POU6F2: variants seen among roughly 807,000 people sequenced by gnomAD.
POU6F2 encodes POU class 6 homeobox 2, also known as POU domain, class 6, transcription factor 2.
POU6F2 carries 31 observed loss-of-function variants against 71.3 expected under a neutral mutation model. That is an observed-to-expected ratio of 0.43 (90% CI 0.33 to 0.59). The LOEUF (loss-of-function observed/expected upper bound fraction) is 0.59. Among genes scored for constraint, POU6F2 ranks in the 20% least tolerant of loss-of-function variants. The pLI is 0.04. For missense variants in POU6F2, 783 were observed against 856.8 expected (o/e 0.91, Z 1.07); for synonymous variants, 347 against 355.7 (o/e 0.98, Z 0.27).
Position 39,207,626 on chromosome 7 carries a change from C to A in POU6F2, c.598+6C>A. On this transcript the variant is annotated splice_donor_region_variant and intron_variant, in intron 4 of 9. Coordinates refer to ENST00000518318, the MANE Select transcript of POU6F2 (RefSeq NM_001370959.1). The stretch of plus-strand genomic sequence containing the variant: ...GCCACTGCAAAATCTACAAGGTAAT[C>A]CATAATGTCCATGCGCCACGTAAGG... 1.9e-6 allele frequency: 3 copies of A among 1,611,104 alleles called. No homozygotes were observed. The highest frequency in any genetic ancestry group is 2.5e-6 in the Non-Finnish European group (3 of 1,177,984).
chr7:39,180,457 A>G (rs554509692), intron 2 of POU6F2, among the ~76,000 whole-genome samples: 122 of 152,304 alleles, frequency 8.0e-4, no homozygotes, highest in African/African-American at 2.8e-3. Context: ...TTGGGCACAC[A>G]GCACAGAAGA....
chr7:39,033,623 T>A (rs568068805), intron 1 of POU6F2, among the ~76,000 whole-genome samples: 1 of 152,288 alleles, frequency 6.6e-6, no homozygotes, highest in African/African-American at 2.4e-5. Flanking sequence ...TACTGATCCA[T>A]TTTAGAAAAT....
intron 6 of POU6F2, 34 bp from the exon 7 acceptor site, chr7:39,433,043 G>A (rs562280282): frequency 4.2e-5 from 67 of 1,610,428 alleles, no homozygotes; most frequent in Middle Eastern, 1.7e-4. Context: ...ACCCTTCACC[G>A]AGCCAGCTCC....
intron 4 of POU6F2, among the ~76,000 whole-genome samples, chr7:39,302,849 C>T (rs955163959): frequency 4.6e-5 from 7 of 152,200 alleles, no homozygotes; most frequent in Admixed American, 1.3e-4. Context: ...AGTGACTGAA[C>T]GTCAGAGACC....
At position 39,451,515 on chromosome 7, in the gene POU6F2, T is replaced by C. The variant is rs1788659635; in HGVS notation, c.1321-18T>C. 1 of 1,591,098 alleles carries C rather than the reference T, an allele frequency of 6.3e-7. No individual in the cohort carries two copies. The highest frequency in any genetic ancestry group is 1.3e-5 in the African/African-American group (1 of 74,382). On this transcript the variant is annotated intron_variant, in intron 7 of 9. Transcript: ENST00000518318. Reference sequence around the variant, plus strand: ...TTTTTCATTCATTTGTGTATTTTTTTTACATCCCCTCATGTAGCTCCACCA... The same window carrying C: ...TTTTTCATTCATTTGTGTATTTTTTCTACATCCCCTCATGTAGCTCCACCA...
At chr7:39,301,887 A>T (rs1784954309) in intron 4 of POU6F2, among the ~76,000 whole-genome samples, 1 of 152,026 alleles carries the variant, frequency 6.6e-6, no homozygotes, top group Non-Finnish European at 1.5e-5. Context: ...GCCTAAATCC[A>T]CATAATGGTA....
chr7:39,406,880 T>C, intron 6 of POU6F2, 140 bp downstream of exon 6: 1 of 1,221,466 alleles, frequency 8.2e-7, no homozygotes, highest in South Asian at 1.3e-5. Context: ...ATGTCAAGAA[T>C]AGGAGAAGGG....
chr7:39,041,078 A>G (rs1200272128), intron 1 of POU6F2, among the ~76,000 whole-genome samples: 1 of 151,980 alleles, frequency 6.6e-6, no homozygotes, highest in Admixed American at 6.6e-5. Flanking sequence ...CTTCAATGAG[A>G]GATGGATCCC....
intron 5 of POU6F2, among the ~76,000 whole-genome samples, chr7:39,378,257 AT>A (rs1786748458): frequency 6.6e-6 from 1 of 152,086 alleles, no homozygotes; most frequent in African/African-American, 2.4e-5. Flanking sequence ...TCTTTCTCGA[AT>A]TTATTCCCTT....
chr7:39,291,293 C>G (rs1184820150), intron 4 of POU6F2, among the ~76,000 whole-genome samples: 1 of 152,120 alleles, frequency 6.6e-6, no homozygotes, highest in African/African-American at 2.4e-5. Context: ...TACATTTGAC[C>G]TGCTGAGGAT....
Position 39,348,857 on chromosome 7 carries a change from A to G in POU6F2, c.972+8842A>G, listed in dbSNP as rs570630137. On this transcript the variant is annotated intron_variant, in intron 5 of 9. Transcript: ENST00000518318. ...TGTTCCTGTATATTTTGCAAAGATTATTTGAATACTGAAGGCTAAAAGACA... is the reference window on the plus strand; with the variant it reads ...TGTTCCTGTATATTTTGCAAAGATTGTTTGAATACTGAAGGCTAAAAGACA... 7.9e-5 allele frequency among the ~76,000 whole-genome samples: 12 copies of G among 152,336 alleles called. No individual in the cohort carries two copies. In the East Asian group the frequency reaches 2.3e-3, roughly 29 times the overall value.
At chr7:39,191,793 G>A (rs930522307) in intron 2 of POU6F2, among the ~76,000 whole-genome samples, 2 of 152,142 alleles carry the variant, frequency 1.3e-5, no homozygotes, top group African/African-American at 4.8e-5. Flanking sequence ...CAAGTTAATA[G>A]CATCTTTTAG....
In POU6F2 at chr7:39,433,224, A is replaced by G. The variant is rs376392988; in HGVS notation, c.1261A>G (p.Ile421Val). Residue 421 changes from isoleucine to valine, a missense_variant, in exon 7 of 10, where the codon ATC becomes GTC. Ile to Val is a conservative substitution (Grantham distance 29, BLOSUM62 3). Transcript: ENST00000518318. Reference sequence around the variant, plus strand: ...CATCGCCACAGTCATTGGGAACCAGATCCTGCCCGTGATCAACACCCAGGG... The same window carrying G: ...CATCGCCACAGTCATTGGGAACCAGGTCCTGCCCGTGATCAACACCCAGGG... ...QIIATVIGNQ[I>V]LPVINTQGIT... 15 of 1,613,268 alleles carry G rather than the reference A, an allele frequency of 9.3e-6. No individual in the cohort carries two copies. Among genetic ancestry groups the G allele is most frequent in the South Asian group, 5.5e-5 (5 of 91,054 alleles).
At chr7:39,072,810 G>A (rs1262933766) in intron 1 of POU6F2, among the ~76,000 whole-genome samples, 1 of 152,186 alleles carries the variant, frequency 6.6e-6, no homozygotes, top group African/African-American at 2.4e-5. Flanking sequence ...CCTGCGTGGA[G>A]CGACATGTTT....
At chr7:39,130,381 G>T (rs540099971) in intron 2 of POU6F2, among the ~76,000 whole-genome samples, 238 of 152,288 alleles carry the variant, frequency 1.6e-3, no homozygotes, top group Non-Finnish European at 2.8e-3. Flanking sequence ...CAGGATGCCT[G>T]ATTTAGACGC....
intron 6 of POU6F2, among the ~76,000 whole-genome samples, chr7:39,423,200 T>C (rs1049635157): frequency 2.0e-5 from 3 of 152,180 alleles, no homozygotes; most frequent in Non-Finnish European, 4.4e-5. Flanking sequence ...AAAGAGCCTA[T>C]TGAACTCTTG....
intron 5 of POU6F2, among the ~76,000 whole-genome samples, chr7:39,342,686 G>T (rs911700950): frequency 1.4e-4 from 21 of 152,126 alleles, no homozygotes; most frequent in African/African-American, 4.8e-4. Flanking sequence ...ATAAATGTAA[G>T]TAGGTTGTGT....
Position 39,331,813 on chromosome 7 carries a change from G to A in POU6F2, c.599-7829G>A, listed in dbSNP as rs140634222. Reference sequence around the variant, plus strand: ...GGCGTGAGCCACCGCGCCCGGCCTCGCTGTGGTTTTGAAAGGCATTTCCCT... The same window carrying A: ...GGCGTGAGCCACCGCGCCCGGCCTCACTGTGGTTTTGAAAGGCATTTCCCT... On this transcript the variant is annotated intron_variant, in intron 4 of 9. Transcript: ENST00000518318. 3.9e-3 allele frequency among the ~76,000 whole-genome samples: 586 copies of A among 152,176 alleles called. 2 individuals carry two copies. Among genetic ancestry groups the A allele is most frequent in the African/African-American group, 0.014 (562 of 41,544 alleles).
chr7:39,253,280 C>A (rs755373471), intron 4 of POU6F2, among the ~76,000 whole-genome samples: 1 of 152,158 alleles, frequency 6.6e-6, no homozygotes, highest in African/African-American at 2.4e-5. Context: ...CCTTCTTTGC[C>A]TCATGCTAGA....
Sources: gnomAD v4.1 joint callset for allele counts (sites outside exome capture counted in the v4.1 genomes callset) on GRCh38, gnomAD v4.1.1 for gene constraint, MANE v1.5 for transcripts, NCBI Gene and HGNC (gene_info 2026-07-23, HGNC 2026-07-21) for gene names.